Variants in CYP4F2 observed in about 807,000 individuals in gnomAD.
CYP4F2 encodes cytochrome P450 4F2.
A neutral mutation model predicts 58.9 loss-of-function variants in CYP4F2; 58 were observed. That is an observed-to-expected ratio of 0.98 (90% confidence interval 0.80 to 1.23). The LOEUF (loss-of-function observed/expected upper bound fraction) is 1.23. Among genes scored for constraint, CYP4F2 ranks in the 50% most tolerant of loss-of-function variants. CYP4F2 has a pLI of 0.00. For missense variants in CYP4F2, 616 were observed against 685.6 expected (o/e 0.90, Z 1.13); for synonymous variants, 287 against 261.1 (o/e 1.10, Z -0.95).
intron 8 of CYP4F2, 30 bp downstream of exon 8, chr19:15,886,212 C>T: frequency 6.2e-7 from 1 of 1,613,728 alleles, no homozygotes; most frequent in Non-Finnish European, 8.5e-7. Context: ...GATCCCGGTC[C>T]CCTCTCTAGC....
At chr19:15,881,555 G>A (rs184369196) in intron 9 of CYP4F2, among the ~76,000 whole-genome samples, 59 of 146,698 alleles carry the variant, frequency 4.0e-4, no homozygotes, top group Admixed American at 3.8e-3. Context: ...TAGATACATA[G>A]ATAGATGATG....
intron 2 of CYP4F2, among the ~76,000 whole-genome samples, chr19:15,896,108 G>A (rs1266833459): frequency 2.3e-5 from 3 of 129,220 alleles, no homozygotes; most frequent in Non-Finnish European, 3.3e-5. Flanking sequence ...ATCCATCCAT[G>A]CTATCTGTGC....
At chr19:15,896,246 C>T (rs1301261506) in intron 2 of CYP4F2, among the ~76,000 whole-genome samples, 1 of 150,830 alleles carries the variant, frequency 6.6e-6, no homozygotes, top group Non-Finnish European at 1.5e-5. Context: ...ATCTATCTAT[C>T]TATCTATCTA....
At position 15,896,841 on chromosome 19, in the gene CYP4F2, G is replaced by A. The variant is rs927174640; in HGVS notation, c.198+573C>T. ...GGTCTAAGTCAGAGGGCAAGGTCAC[G>A]GGGAGGAGAAAGGCCAAGGAAAGCT... On this transcript the variant is annotated intron_variant, in intron 2 of 12. Coordinates refer to ENST00000221700, the MANE Select transcript of CYP4F2 (RefSeq NM_001082.5). Among the ~76,000 whole-genome samples, 10 of 152,342 alleles carry A rather than the reference G, an allele frequency of 6.6e-5. No individual in the cohort carries two copies. In the East Asian group the frequency reaches 7.7e-4, roughly 12 times the overall value.
At chr19:15,883,598 A>G (rs925553184) in intron 9 of CYP4F2, among the ~76,000 whole-genome samples, 4 of 152,228 alleles carry the variant, frequency 2.6e-5, no homozygotes, top group African/African-American at 9.6e-5. Context: ...AGTAGAACTA[A>G]CATATAACCC....
chr19:15,896,713 C>G (rs528922273), intron 2 of CYP4F2, among the ~76,000 whole-genome samples: 1 of 152,318 alleles, frequency 6.6e-6, no homozygotes, highest in East Asian at 1.9e-4. Context: ...AGGCTCTGTG[C>G]TAGTGTGTCC....
In CYP4F2 at chr19:15,879,637, G is replaced by A. The variant is rs1357590760; in HGVS notation, c.1281C>T (p.Thr427=). 13 of 1,614,042 alleles carry A rather than the reference G, an allele frequency of 8.1e-6. No individual in the cohort carries two copies. In the Admixed American group the frequency reaches 2.2e-4, roughly 27 times the overall value. The change falls in exon 11 of 13, where the codon ACC becomes ACT. Residue 427 remains threonine, a synonymous_variant. Transcript: ENST00000221700. ...GIICLISVFG[T]HHNPAVWPDP... is the part of the protein sequence containing the mutation. Reference sequence around the variant, plus strand: ...CCGGCCACACAGCTGGGTTGTGATGGGTTCCGAAAACACTGATGAGGCAGA... The same window carrying A: ...CCGGCCACACAGCTGGGTTGTGATGAGTTCCGAAAACACTGATGAGGCAGA...
In CYP4F2 at chr19:15,889,618, C is replaced by A; in HGVS notation, c.723G>T (p.Leu241=). 1.2e-6 allele frequency: 2 copies of A among 1,614,188 alleles called. No homozygotes were observed. Among genetic ancestry groups the A allele is most frequent in the South Asian group, 2.2e-5 (2 of 91,088 alleles). The change falls in exon 7 of 13, where the codon CTG becomes CTT. Residue 241 remains leucine (L), a synonymous_variant. Coordinates refer to ENST00000221700, the MANE Select transcript of CYP4F2 (RefSeq NM_001082.5). ...LVSKRHHEIL[L]HIDFLYYLTP... Reference sequence around the variant, plus strand: ...TGAGATAATACAGGAAGTCAATATGCAGGAGGATCTCATGGTGTCTTTTTG... The same window carrying A: ...TGAGATAATACAGGAAGTCAATATGAAGGAGGATCTCATGGTGTCTTTTTG...
At chr19:15,882,275 G>T (rs368194811) in intron 9 of CYP4F2, among the ~76,000 whole-genome samples, 59 of 151,658 alleles carry the variant, frequency 3.9e-4, no homozygotes, top group East Asian at 2.7e-3. Flanking sequence ...AGAAAGAAAA[G>T]AAAAGAAATA....
intron 1 of CYP4F2, 34 bp downstream of exon 1, chr19:15,897,992 A>AC (rs3093096): frequency 0.028 from 6,077 of 218,990 alleles, 396 homozygotes; most frequent in African/African-American, 0.13. Context: ...CCAGGCCAGG[A>AC]CCCCCCCCAG....
rs759332171 is a variant in CYP4F2 at position 15,879,855 on chromosome 19, C to T, written c.1158G>A (p.Lys386=). ...AHLPFLTMCM[K]ESLRLHPPVP... ...CTGGGGGATGCAGCCGCAGGCTCTC[C>T]TTCATGCACATGGTCAGGAAGGGCA... is the stretch of plus-strand genomic sequence containing the variant. The change falls in exon 10 of 13, where the codon AAG becomes AAA. Residue 386 remains lysine (K), a synonymous_variant. Transcript: ENST00000221700. 6.2e-7 allele frequency: 1 copy of T among 1,614,150 alleles called. No homozygotes were observed. The highest frequency in any genetic ancestry group is 1.1e-5 in the South Asian group (1 of 91,084).
intron 7 of CYP4F2, 199 bp from the exon 8 acceptor site, chr19:15,886,507 C>G (rs2145005950): frequency 3.4e-6 from 2 of 594,812 alleles, no homozygotes; most frequent in Middle Eastern, 4.4e-4. Flanking sequence ...CTCTGGCTTC[C>G]TTGCCTCCTC....
intron 3 of CYP4F2, among the ~76,000 whole-genome samples, chr19:15,895,297 G>A (rs1000944570): frequency 1.3e-5 from 2 of 152,056 alleles, no homozygotes; most frequent in Admixed American, 1.3e-4. Context: ...AGGGTTCCAG[G>A]GCAGCCCAGA....
chr19:15,890,206 A>G (rs2089408085), intron 6 of CYP4F2, 106 bp downstream of exon 6: 2 of 1,581,178 alleles, frequency 1.3e-6, no homozygotes, highest in Non-Finnish European at 1.7e-6. Context: ...GGTATAACAA[A>G]ACTCCTCCAG....
intron 1 of CYP4F2, 96 bp from the exon 2 acceptor site, chr19:15,897,708 G>A (rs1294651190): frequency 2.6e-5 from 38 of 1,453,984 alleles, no homozygotes; most frequent in Admixed American, 1.7e-4. Context: ...GGGCAGTGCC[G>A]GAGGTAGAGC....
chr19:15,894,278 G>A (rs1240031227), intron 3 of CYP4F2, among the ~76,000 whole-genome samples: 1 of 152,180 alleles, frequency 6.6e-6, no homozygotes. Flanking sequence ...CCCCAAAACA[G>A]TAGCTCTGGA....
At chr19:15,880,702 T>C (rs1376483994) in intron 9 of CYP4F2, among the ~76,000 whole-genome samples, 1 of 151,138 alleles carries the variant, frequency 6.6e-6, no homozygotes, top group Non-Finnish European at 1.5e-5. Context: ...AGCAAAAAAA[T>C]AAAGGAACCA....
In CYP4F2 at chr19:15,892,517, G is replaced by C. The variant is rs1190232583; in HGVS notation, c.397+12C>G. On this transcript the variant is annotated intron_variant, in intron 4 of 12. Transcript: ENST00000221700. ...ACGTTTTTCCCAACCCTGTTCACCT[G>C]CAGATACTCACCCAGCCAGGGCTCC... is the stretch of plus-strand genomic sequence containing the variant. The C allele has an allele frequency of 3.1e-5, 50 of 1,614,016 alleles. No homozygotes were observed. The highest frequency in any genetic ancestry group is 4.2e-5 in the Non-Finnish European group (49 of 1,179,960).
chr19:15,897,318 TCCCAG>T, intron 2 of CYP4F2, 91 bp downstream of exon 2: 1 of 1,112,532 alleles, frequency 9.0e-7, no homozygotes, highest in South Asian at 1.3e-5. Context: ...CCACCCCAGA[TCCCAG>T]CCCACCCCTT....
Sources: allele counts gnomAD v4.1 joint callset (sites outside exome capture counted in the v4.1 genomes callset), GRCh38; gene constraint gnomAD v4.1.1; transcripts MANE v1.5; gene names NCBI Gene and HGNC (gene_info 2026-07-23, HGNC 2026-07-21).